NHLRC2: variants seen among roughly 807,000 people sequenced by gnomAD.
The protein encoded by NHLRC2 is NHL repeat-containing protein 2.
In NHLRC2, 33 loss-of-function variants were observed where a neutral mutation model predicts 68.1. The ratio of observed to expected loss-of-function variants is 0.48; its 90% CI spans 0.37 to 0.65. NHLRC2 has a LOEUF of 0.65. Ranked by LOEUF, NHLRC2 falls within the 30% of genes least tolerant of loss-of-function variation. The pLI is 0.00. For missense variants in NHLRC2, 761 were observed against 853.8 expected (o/e 0.89, Z 1.35); for synonymous variants, 311 against 309.6 (o/e 1.00, Z -0.05).
In NHLRC2 at chr10:113,907,856, T is replaced by C. The variant is rs1416600755; in HGVS notation, c.1925-424T>C. On this transcript the variant is annotated intron_variant, in intron 10 of 10. Transcript: ENST00000369301. ...ACATTTGTATTCCCTAGATAAAATT[T>C]TATTTTGTAGTTTTTATATCCCTAA... Among the ~76,000 whole-genome samples the C allele has an allele frequency of 3.3e-5, 5 of 152,166 alleles. No homozygotes were observed. The East Asian group carries it at 9.6e-4, about 29-fold the overall frequency.
chr10:113,908,282 A>G lies in NHLRC2; in HGVS notation c.1927A>G (p.Asn643Asp), dbSNP rs757832964. The change falls in exon 11 of 11, where the codon AAT (asparagine) becomes GAT (aspartate). Residue 643 changes from asparagine to aspartate, a missense_variant and splice_region_variant. Transcript: ENST00000369301. ...SSCWFLTAEG[N>D]EWLLQGQIAA... Reference sequence around the variant, plus strand: ...ATAATTTCATTTTTGATTTTTAGGCAATGAATGGCTACTTCAAGGACAGAT... The same window carrying G: ...ATAATTTCATTTTTGATTTTTAGGCGATGAATGGCTACTTCAAGGACAGAT... 3 of 1,612,780 alleles carry G rather than the reference A, an allele frequency of 1.9e-6. No homozygotes were observed. The highest frequency in any genetic ancestry group is 2.5e-6 in the Non-Finnish European group (3 of 1,178,810).
Position 113,876,995 on chromosome 10 carries a change from T to G in NHLRC2, c.787+19T>G. 2 of 1,407,038 alleles carry G rather than the reference T, an allele frequency of 1.4e-6. No individual in the cohort carries two copies. The highest frequency in any genetic ancestry group is 1.9e-6 in the Non-Finnish European group (2 of 1,030,946). The allele number at this position is 1,407,038 out of a possible 1,614,324, so 87.2% of individuals were successfully genotyped here. On this transcript the variant is annotated intron_variant, in intron 3 of 10. Transcript: ENST00000369301. ...ATTGGAGGTAAAACTTGCTTCTGATTACGATAGATAACGTGTTTTACAGTA... is the reference window on the plus strand; with the variant it reads ...ATTGGAGGTAAAACTTGCTTCTGATGACGATAGATAACGTGTTTTACAGTA...
At chr10:113,887,397 A>G (rs547246893) in intron 5 of NHLRC2, among the ~76,000 whole-genome samples, 14 of 152,336 alleles carry the variant, frequency 9.2e-5, no homozygotes, top group Middle Eastern at 3.4e-3. Context: ...GCACTCCCAT[A>G]TTTATTTCAG....
At chr10:113,874,975 G>A (rs1397526532) in intron 2 of NHLRC2, among the ~76,000 whole-genome samples, 1 of 151,056 alleles carries the variant, frequency 6.6e-6, no homozygotes, top group Non-Finnish European at 1.5e-5. Flanking sequence ...ATGGAGCATA[G>A]TTATCTAGTT....
intron 2 of NHLRC2, among the ~76,000 whole-genome samples, chr10:113,873,733 A>G (rs1410884390): frequency 6.6e-6 from 1 of 152,198 alleles, no homozygotes; most frequent in Non-Finnish European, 1.5e-5. Flanking sequence ...GCAAACATGA[A>G]CTAGAACTTG....
intron 2 of NHLRC2, among the ~76,000 whole-genome samples, chr10:113,875,046 G>GT (rs1197232423): frequency 4.0e-5 from 6 of 149,832 alleles, no homozygotes; most frequent in African/African-American, 7.4e-5. Flanking sequence ...TCTGTTGCTT[G>GT]TTTTTTTTGC....
chr10:113,905,026 A>T lies in NHLRC2; in HGVS notation c.1914A>T (p.Leu638=). The T allele has an allele frequency of 6.6e-7, 1 of 1,509,164 alleles. No homozygotes were observed. The highest frequency in any genetic ancestry group is 8.9e-7 in the Non-Finnish European group (1 of 1,123,862). 93.5% of individuals were successfully genotyped at this position (1,509,164 alleles called of 1,614,324 possible). Residue 638 remains leucine (L), a synonymous_variant, in exon 10 of 11, where the codon CTA becomes CTT. Coordinates refer to ENST00000369301, the MANE Select transcript of NHLRC2 (RefSeq NM_198514.4). ...LTEGVSSCWF[L]TAEGNEWLLQ... ...AAGGAGTATCCAGTTGCTGGTTTCT[A>T]ACAGCTGAAGGTATGAGTATAAGCT...
chr10:113,878,194 T>G (rs1846002543), intron 3 of NHLRC2, among the ~76,000 whole-genome samples: 1 of 152,146 alleles, frequency 6.6e-6, no homozygotes, highest in Admixed American at 6.5e-5. Flanking sequence ...TTCCCAAATT[T>G]TTTACTCTCC....
intron 6 of NHLRC2, among the ~76,000 whole-genome samples, chr10:113,899,833 G>A (rs1288498103): frequency 6.6e-6 from 1 of 152,028 alleles, no homozygotes; most frequent in Non-Finnish European, 1.5e-5. Context: ...CAGGAGAATC[G>A]CTTGAACCCA....
intron 2 of NHLRC2, among the ~76,000 whole-genome samples, chr10:113,874,804 G>A (rs1448072605): frequency 6.6e-6 from 1 of 151,670 alleles, no homozygotes; most frequent in Non-Finnish European, 1.5e-5. Flanking sequence ...GCTGTCTTCA[G>A]GTTCATTAAC....
chr10:113,872,833 A>C (rs146269630), intron 2 of NHLRC2, among the ~76,000 whole-genome samples: 1,581 of 152,206 alleles, frequency 0.01, 13 homozygotes, highest in South Asian at 0.018. Flanking sequence ...AGGAGGTCCA[A>C]CATAAGACTA....
Position 113,855,029 on chromosome 10 carries a change from T to C in NHLRC2, c.157T>C (p.Ser53Pro), listed in dbSNP as rs1016075901. The change falls in exon 1 of 11, where the codon TCA becomes CCA. Residue 53 changes from serine to proline, a missense_variant. Ser to Pro is a moderately conservative substitution (Grantham distance 74, BLOSUM62 -1). Coordinates refer to ENST00000369301, the MANE Select transcript of NHLRC2 (RefSeq NM_198514.4). Reference protein sequence around the residue: ...QKVDGWEQDLSVPEFPEGLEW... With the variant: ...QKVDGWEQDLPVPEFPEGLEW... Reference sequence around the variant, plus strand: ...GGTGGACGGCTGGGAGCAGGACTTGTCAGTACCCGAGTTTCCGGAAGGTGA... The same window carrying C: ...GGTGGACGGCTGGGAGCAGGACTTGCCAGTACCCGAGTTTCCGGAAGGTGA... 3.2e-6 allele frequency: 5 copies of C among 1,552,614 alleles called. No homozygotes were observed. The African/African-American group carries it at 4.1e-5, about 13-fold the overall frequency.
At chr10:113,882,327 G>A (rs1035488372) in intron 4 of NHLRC2, among the ~76,000 whole-genome samples, 3 of 151,716 alleles carry the variant, frequency 2.0e-5, no homozygotes, top group Non-Finnish European at 3.0e-5. Flanking sequence ...CGAAATATAT[G>A]TGGGTTCCAA....
chr10:113,890,277 G>A (rs374239515), intron 5 of NHLRC2, among the ~76,000 whole-genome samples: 28 of 152,252 alleles, frequency 1.8e-4, no homozygotes, highest in East Asian at 5.8e-4. Context: ...TTTTTATTGC[G>A]TATGTGAATC....
intron 6 of NHLRC2, 55 bp downstream of exon 6, chr10:113,898,264 T>G: frequency 8.1e-7 from 1 of 1,237,082 alleles, no homozygotes; most frequent in Middle Eastern, 2.0e-4. Flanking sequence ...TTCATATAAT[T>G]TCTTTTTTCA....
rs1424931063 is a variant in NHLRC2 at position 113,858,610 on chromosome 10, C to G, written c.261C>G (p.Thr87=). ...AAATAGTCGTCCTTGATTTCTTCAC[C>G]TACTGCTGCATAAACTGTATTCACC... The part of the protein sequence containing the change: ...CGKIVVLDFF[T]YCCINCIHLL... Residue 87 remains threonine (T), a synonymous_variant, in exon 2 of 11, where the codon ACC becomes ACG. Transcript: ENST00000369301. 5 of 1,609,662 alleles carry G rather than the reference C, an allele frequency of 3.1e-6. No homozygotes were observed. The highest frequency in any genetic ancestry group is 2.6e-6 in the Non-Finnish European group (3 of 1,176,012).
intron 2 of NHLRC2, among the ~76,000 whole-genome samples, chr10:113,860,408 T>A (rs1027102035): frequency 2.0e-5 from 3 of 152,138 alleles, no homozygotes; most frequent in African/African-American, 7.2e-5. Flanking sequence ...ATTAAAAATA[T>A]TTTTATATAC....
chr10:113,870,130 C>G (rs1845908488), intron 2 of NHLRC2, among the ~76,000 whole-genome samples: 1 of 152,130 alleles, frequency 6.6e-6, no homozygotes, highest in African/African-American at 2.4e-5. Flanking sequence ...TTAGGCTATT[C>G]CTTCCCACTT....
intron 2 of NHLRC2, among the ~76,000 whole-genome samples, chr10:113,875,479 T>A (rs1845970758): frequency 6.6e-6 from 1 of 152,126 alleles, no homozygotes; most frequent in South Asian, 2.1e-4. Flanking sequence ...TGCAGTGGGA[T>A]TTCTGTTGGA....
Sources: allele counts gnomAD v4.1 joint callset (sites outside exome capture counted in the v4.1 genomes callset), GRCh38; gene constraint gnomAD v4.1.1; transcripts MANE v1.5; gene names NCBI Gene and HGNC (gene_info 2026-07-23, HGNC 2026-07-21).